The following PON3 variants were observed in gnomAD, a reference collection of about 807,000 sequenced individuals.
PON3 encodes the protein paraoxonase 3.
In PON3, 37 loss-of-function variants were observed where a neutral mutation model predicts 36.3. The ratio of observed to expected loss-of-function variants is 1.02; its 90% CI spans 0.78 to 1.34. PON3 has a LOEUF of 1.34. Ranked by LOEUF, PON3 falls within the 40% of genes most tolerant of loss-of-function variation. PON3 has a pLI of 0.00. For missense variants in PON3, 415 were observed against 426.5 expected, an observed-to-expected ratio of 0.97 and a Z score of 0.24; for synonymous variants, 155 against 154.8, an observed-to-expected ratio of 1.00 and a Z score of -0.01.
chr7:95,396,236 G>C (rs770346099), intron 1 of PON3, 41 bp downstream of exon 1: 1 of 1,603,776 alleles, frequency 6.2e-7, no homozygotes, highest in Admixed American at 1.7e-5. Context: ...TGGAAGAGGA[G>C]AGAAAGAGAG....
intron 3 of PON3, among the ~76,000 whole-genome samples, chr7:95,374,160 G>A (rs1302941362): frequency 6.6e-6 from 1 of 152,044 alleles, no homozygotes; most frequent in Non-Finnish European, 1.5e-5. Flanking sequence ...CAAAATGCTG[G>A]GACCACTGTT....
At chr7:95,395,613 AG>A (rs1269045553) in intron 1 of PON3, among the ~76,000 whole-genome samples, 1 of 152,190 alleles carries the variant, frequency 6.6e-6, no homozygotes, top group African/African-American at 2.4e-5. Context: ...GAAAGCAAGC[AG>A]AGGCTTTCGA....
At chr7:95,363,394 A>T (rs1276429425) in intron 6 of PON3, 1 of 188,880 alleles carries the variant, frequency 5.3e-6, no homozygotes, top group East Asian at 1.4e-4. Flanking sequence ...TGTTTAAAAT[A>T]GGGTTTTCTC....
chr7:95,363,648 GTCCACA>G, intron 6 of PON3: 1 of 595,646 alleles, frequency 1.7e-6, no homozygotes. Context: ...ATATCCTTAA[GTCCACA>G]TCCCTCCTTT....
intron 3 of PON3, among the ~76,000 whole-genome samples, chr7:95,388,389 A>G (rs979560209): frequency 6.6e-6 from 1 of 152,242 alleles, no homozygotes; most frequent in Non-Finnish European, 1.5e-5. Context: ...CCACAATGAG[A>G]TACCATCTCA....
intron 1 of PON3, 141 bp from the exon 2 acceptor site, chr7:95,394,855 C>A: frequency 1.4e-6 from 1 of 723,764 alleles, no homozygotes; most frequent in Non-Finnish European, 2.5e-6. Flanking sequence ...GTAGGTACTT[C>A]CTTTCATGTT....
At chr7:95,367,633 A>G (rs1585720125) in intron 4 of PON3, 145 bp from the exon 5 acceptor site, 1 of 834,800 alleles carries the variant, frequency 1.2e-6, no homozygotes, top group South Asian at 1.6e-5. Flanking sequence ...GGTAAGTCAG[A>G]CAAATGCCAG....
At chr7:95,367,627 A>G (rs1401359880) in intron 4 of PON3, 139 bp from the exon 5 acceptor site, 1 of 868,698 alleles carries the variant, frequency 1.2e-6, no homozygotes, top group Non-Finnish European at 1.8e-6. Flanking sequence ...ATGATAGGTA[A>G]GTCAGACAAA....
intron 3 of PON3, among the ~76,000 whole-genome samples, chr7:95,382,929 T>C (rs1010096046): frequency 6.6e-6 from 1 of 152,150 alleles, no homozygotes; most frequent in Non-Finnish European, 1.5e-5. Flanking sequence ...ATATTCCTGA[T>C]GAACATTGAT....
At chr7:95,394,061 G>A (rs1017400560) in intron 2 of PON3, among the ~76,000 whole-genome samples, 16 of 151,940 alleles carry the variant, frequency 1.1e-4, no homozygotes, top group African/African-American at 2.4e-4. Flanking sequence ...CAACATGCCC[G>A]GCTAATTGTT....
Position 95,372,161 on chromosome 7 carries a change from T to A in PON3, c.367+12A>T. 6.2e-7 allele frequency: 1 copy of A among 1,611,368 alleles called. No individual in the cohort carries two copies. Among genetic ancestry groups the A allele is most frequent in the Non-Finnish European group, 8.5e-7 (1 of 1,177,598 alleles). On this transcript the variant is annotated intron_variant, in intron 4 of 8. Transcript: ENST00000265627. ...CTCATTTCCCCCTTATCCCTAAACA[T>A]ACAGGTTTTACCTTTGTCGATGAAA...
intron 3 of PON3, among the ~76,000 whole-genome samples, chr7:95,376,113 C>T (rs543359830): frequency 6.6e-6 from 1 of 152,260 alleles, no homozygotes; most frequent in East Asian, 1.9e-4. Flanking sequence ...AGCCTAAACT[C>T]AGGGGATGTG....
At chr7:95,378,741 C>A (rs1489196839) in intron 3 of PON3, among the ~76,000 whole-genome samples, 1 of 152,202 alleles carries the variant, frequency 6.6e-6, no homozygotes, top group African/African-American at 2.4e-5. Context: ...CTTACAAGAG[C>A]TCCTGAAGGA....
Position 95,390,181 on chromosome 7 carries a change from A to C in PON3, c.174T>G (p.Leu58=), listed in dbSNP as rs1132726. Residue 58 remains leucine, a synonymous_variant, in exon 3 of 9, where the codon CTT becomes CTG. Coordinates refer to ENST00000265627, the MANE Select transcript of PON3 (RefSeq NM_000940.3). Reference sequence around the variant, plus strand: ...TGGAGATAAAAGCCAGCCCACTAGGAAGTATATCAATATCTTCAGAGCCAC... The same window carrying C: ...TGGAGATAAAAGCCAGCCCACTAGGCAGTATATCAATATCTTCAGAGCCAC... ...LESGSEDIDI[L]PSGLAFISSG... is the part of the protein sequence containing the mutation. The C allele has an allele frequency of 1.9e-6, 3 of 1,612,044 alleles. No homozygotes were observed. The highest frequency in any genetic ancestry group is 3.3e-5 in the Admixed American group (2 of 60,024).
At chr7:95,362,088 T>A (rs927987454) in intron 8 of PON3, among the ~76,000 whole-genome samples, 3 of 152,164 alleles carry the variant, frequency 2.0e-5, no homozygotes, top group African/African-American at 7.2e-5. Context: ...TATCTCCTGA[T>A]TGGAAATACG....
At chr7:95,364,255 TTTG>T in intron 5 of PON3, 192 bp from the exon 6 acceptor site, 1 of 596,664 alleles carries the variant, frequency 1.7e-6, no homozygotes, top group Non-Finnish European at 3.0e-6. Context: ...TCTTTAGCCA[TTTG>T]TTATTTTCTT....
intron 5 of PON3, 131 bp downstream of exon 5, chr7:95,367,231 T>C (rs889217876): frequency 8.7e-7 from 1 of 1,146,532 alleles, no homozygotes; most frequent in Non-Finnish European, 1.2e-6. Context: ...ATGGGAATCA[T>C]TAGAAAGCTT....
chr7:95,364,612 C>A, intron 5 of PON3: 1 of 178,392 alleles, frequency 5.6e-6, no homozygotes, highest in East Asian at 1.4e-4. Flanking sequence ...CCTCCTAGGG[C>A]CCTTAATGAG....
chr7:95,396,296 C>T lies in PON3; in HGVS notation c.55G>A (p.Glu19Lys). ...ACTCACCTAAACGCCAGGAACATCT[C>T]CCCGACTAAGGACAGGCCGACCCCC... ...LLGVGLSLVG[E>K]MFLAFRERVN... The change falls in exon 1 of 9, where the codon GAG becomes AAG. Residue 19 changes from glutamate to lysine, a missense_variant. Transcript: ENST00000265627. 1 of 1,614,052 alleles carries T rather than the reference C, an allele frequency of 6.2e-7. No individual in the cohort carries two copies. The highest frequency in any genetic ancestry group is 8.5e-7 in the Non-Finnish European group (1 of 1,179,982).
Sources: gnomAD v4.1 joint callset for allele counts (sites outside exome capture counted in the v4.1 genomes callset) on GRCh38, gnomAD v4.1.1 for gene constraint, MANE v1.5 for transcripts, NCBI Gene and HGNC (gene_info 2026-07-23, HGNC 2026-07-21) for gene names.